The following RESF1 variants were observed in gnomAD, a reference collection of about 807,000 sequenced individuals.
RESF1 encodes the protein retroelement silencing factor 1.
In RESF1, 65 loss-of-function variants were observed where a neutral mutation model predicts 134.7. That is an observed-to-expected ratio of 0.48 (90% CI 0.40 to 0.59). The LOEUF (loss-of-function observed/expected upper bound fraction) is 0.59, where lower values mean the gene tolerates loss of function less well. RESF1 is among the 20% of genes least tolerant of loss of function. The pLI, the probability that RESF1 is intolerant of heterozygous loss-of-function variation, is 0.00. For synonymous variants in RESF1, 762 were observed against 702.2 expected (o/e 1.09, Z -1.35); for missense variants, 2,274 against 2,002.7 (o/e 1.14, Z -2.59).
chr12:31,970,908 G>A (rs187630876), intron 3 of RESF1, among the ~76,000 whole-genome samples: 35 of 152,126 alleles, frequency 2.3e-4, no homozygotes, highest in Admixed American at 7.9e-4. Flanking sequence ...AACTTGTAGC[G>A]GACTCCAGAA....
intron 5 of RESF1, among the ~76,000 whole-genome samples, chr12:31,991,165 C>T (rs913816982): frequency 1.8e-4 from 27 of 150,990 alleles, no homozygotes; most frequent in Non-Finnish European, 2.2e-4. Context: ...GCACTGCACT[C>T]CAGCCTGGGC....
Position 31,984,168 on chromosome 12 carries a change from A to G in RESF1, c.3213A>G (p.Thr1071=). 1 of 1,612,894 alleles carries G rather than the reference A, an allele frequency of 6.2e-7. No individual in the cohort carries two copies. The highest frequency in any genetic ancestry group is 2.2e-5 in the East Asian group (1 of 44,880). ...CTTATGGCATTGAGGCTGTGAATAC[A>G]CGTGAAGGTTCTGTGGGCCAGCAAA... is the stretch of plus-strand genomic sequence containing the variant. ...EFPYGIEAVN[T]REGSVGQQTT... The change falls in exon 4 of 6, where the codon ACA becomes ACG. Residue 1071 remains threonine (T), a synonymous_variant. Coordinates refer to ENST00000312561, the MANE Select transcript of RESF1 (RefSeq NM_018169.4).
rs552345538 is a variant in RESF1 at position 31,991,460 on chromosome 12, C to T, written c.5087-918C>T. Among the ~76,000 whole-genome samples the T allele has an allele frequency of 1.6e-4, 25 of 152,198 alleles. 1 individual carries two copies. The highest frequency in any genetic ancestry group is 4.6e-4 in the African/African-American group (19 of 41,506). ...CAGGTAGAAAAAGACAAAACAAGAC[C>T]CCATTATTCAGAAGAAAATAGCTGC... On this transcript the variant is annotated intron_variant, in intron 5 of 5. Transcript: ENST00000312561.
Position 31,981,644 on chromosome 12 carries a change from C to G in RESF1, c.689C>G (p.Thr230Ser), listed in dbSNP as rs147896922. 477 of 1,613,986 alleles carry G rather than the reference C, an allele frequency of 3.0e-4. 3 individuals are homozygous for G. The African/African-American group carries it at 5.7e-3, about 19-fold the overall frequency. Reference protein sequence around the residue: ...YSPQSFLPDSTIQKQNFIPHT... With the variant: ...YSPQSFLPDSSIQKQNFIPHT... ...CCACAAAGCTTTTTACCAGATTCTA[C>G]CATTCAAAAACAAAACTTTATACCA... Residue 230 changes from threonine to serine, a missense_variant, in exon 4 of 6, where the codon ACC (threonine) becomes AGC (serine). Transcript: ENST00000312561.
chr12:31,968,751 G>A (rs140638137), intron 2 of RESF1, among the ~76,000 whole-genome samples: 189 of 152,308 alleles, frequency 1.2e-3, no homozygotes, highest in African/African-American at 4.4e-3. Flanking sequence ...CCCGGCCTAG[G>A]ACTTCTCTTT....
rs758873534 is a variant in RESF1 at position 31,984,393 on chromosome 12, G to C, written c.3438G>C (p.Gln1146His). Residue 1146 changes from glutamine (Q) to histidine (H), a missense_variant, in exon 4 of 6, where the codon CAG becomes CAC. By Grantham distance (24) the Gln-to-His change is conservative (BLOSUM62 0). Coordinates refer to ENST00000312561, the MANE Select transcript of RESF1 (RefSeq NM_018169.4). ...KEEPITEVVS[Q>H]CDLQAPAAGQ... ...AGCCCATCACAGAAGTAGTTAGCCA[G>C]TGTGACCTGCAGGCACCTGCAGCTG... 1.6e-5 allele frequency: 26 copies of C among 1,614,058 alleles called. No homozygotes were observed. The highest frequency in any genetic ancestry group is 2.1e-5 in the Non-Finnish European group (25 of 1,180,028).
intron 2 of RESF1, among the ~76,000 whole-genome samples, chr12:31,961,149 T>A (rs1939257192): frequency 6.6e-6 from 1 of 152,204 alleles, no homozygotes; most frequent in Non-Finnish European, 1.5e-5. Context: ...AGAGGTCTGC[T>A]TCTGTCTGTG....
intron 5 of RESF1, among the ~76,000 whole-genome samples, chr12:31,991,646 C>T (rs920187112): frequency 2.6e-5 from 4 of 151,446 alleles, no homozygotes; most frequent in African/African-American, 4.8e-5. Context: ...TTTTTTGAGA[C>T]AGTCTCGCTC....
Position 31,985,176 on chromosome 12 carries a change from A to C in RESF1, c.4221A>C (p.Leu1407Phe), listed in dbSNP as rs941257296. 6.4e-7 allele frequency: 1 copy of C among 1,563,376 alleles called. No homozygotes were observed. Among genetic ancestry groups the C allele is most frequent in the East Asian group, 2.2e-5 (1 of 44,528 alleles). ...GAAGTGTGGGAGCTACATTCAAATT[A>C]GGTGACTCTTTGTCAAACCCAAACG... ...QKGSVGATFK[L>F]GDSLSNPNER... is the part of the protein sequence containing the mutation. The change falls in exon 4 of 6, where the codon TTA becomes TTC. Residue 1407 changes from leucine (L) to phenylalanine (F), a missense_variant. Transcript: ENST00000312561.
At chr12:31,980,070 A>G (rs1369130206) in intron 3 of RESF1, among the ~76,000 whole-genome samples, 1 of 147,978 alleles carries the variant, frequency 6.8e-6, no homozygotes, top group Non-Finnish European at 1.5e-5. Flanking sequence ...AAAGATATTT[A>G]TGAATTAGTG....
At chr12:31,986,227 C>A (rs1041067808) in intron 4 of RESF1, among the ~76,000 whole-genome samples, 4 of 152,064 alleles carry the variant, frequency 2.6e-5, no homozygotes, top group African/African-American at 9.7e-5. Context: ...TCAGTTAGTA[C>A]CAAGAAGGCT....
At chr12:31,971,361 T>C (rs7295157) in intron 3 of RESF1, among the ~76,000 whole-genome samples, 151,638 of 152,350 alleles carry the variant, frequency 1, 75,465 homozygotes, top group Middle Eastern at 1. Context: ...AGGCTGGTAT[T>C]GAATTCCTGA....
chr12:31,967,208 C>G (rs189620873), intron 2 of RESF1, among the ~76,000 whole-genome samples: 21 of 152,218 alleles, frequency 1.4e-4, no homozygotes, highest in Admixed American at 8.5e-4. Context: ...TGCTGTTGGA[C>G]TTAGTAATAT....
rs1446993544 is a variant in RESF1, at chr12:31,984,127, C to CGTTCT, written c.3172_3173insGTTCT (p.Leu1058ArgfsTer4). 6.2e-7 allele frequency: 1 copy of CGTTCT among 1,612,558 alleles called. No individual in the cohort carries two copies. Among genetic ancestry groups the CGTTCT allele is most frequent in the African/African-American group, 1.3e-5 (1 of 74,808 alleles). On this transcript the variant is annotated frameshift_variant, in exon 4 of 6. Transcript: ENST00000312561. LOFTEE classifies it high-confidence loss of function. ...ATACCTACATGACCAGCTGTCAGAACTTCTAAAAGAGTTTCCTTATGGCAT... is the reference window on the plus strand; with the variant it reads ...ATACCTACATGACCAGCTGTCAGAACGTTCTTTCTAAAAGAGTTTCCTTATGGCAT...
chr12:31,990,018 A>G (rs1374627261), intron 5 of RESF1, among the ~76,000 whole-genome samples: 3 of 152,214 alleles, frequency 2.0e-5, no homozygotes, highest in Admixed American at 1.3e-4. Flanking sequence ...GAAGGCAGAA[A>G]GCCAAAAATG....
At chr12:31,963,744 C>G (rs980782229) in intron 2 of RESF1, among the ~76,000 whole-genome samples, 1 of 152,212 alleles carries the variant, frequency 6.6e-6, no homozygotes, top group Non-Finnish European at 1.5e-5. Flanking sequence ...GCACCTTTCC[C>G]TAGGTAACCA....
At chr12:31,990,852 C>T (rs1027862729) in intron 5 of RESF1, among the ~76,000 whole-genome samples, 1 of 152,116 alleles carries the variant, frequency 6.6e-6, no homozygotes, top group Non-Finnish European at 1.5e-5. Flanking sequence ...GAACAGTGAA[C>T]CAACTATGAA....
intron 2 of RESF1, among the ~76,000 whole-genome samples, chr12:31,962,702 GA>G (rs1939303696): frequency 6.6e-6 from 1 of 152,200 alleles, no homozygotes; most frequent in South Asian, 2.1e-4. Flanking sequence ...TGTATTAAAA[GA>G]AATTGTATTG....
At chr12:31,970,428 G>A (rs1006132098) in intron 3 of RESF1, 72 bp downstream of exon 3, 1 of 152,188 alleles carries the variant, frequency 6.6e-6, no homozygotes, top group Non-Finnish European at 1.5e-5. Flanking sequence ...CTACTTCCTT[G>A]TTGATTTTCC....
Sources: gnomAD v4.1 joint callset for allele counts (sites outside exome capture counted in the v4.1 genomes callset) on GRCh38, gnomAD v4.1.1 for gene constraint, MANE v1.5 for transcripts, NCBI Gene and HGNC (gene_info 2026-07-23, HGNC 2026-07-21) for gene names.